Variants in MYBL1 observed in about 807,000 individuals in gnomAD.
MYBL1 encodes the protein myb-related protein A.
In MYBL1, 17 loss-of-function variants were observed where a neutral mutation model predicts 96.3. The ratio of observed to expected loss-of-function variants is 0.18; its 90% CI spans 0.12 to 0.26. MYBL1 has a LOEUF of 0.26. Among genes scored for constraint, MYBL1 ranks in the 10% least tolerant of loss-of-function variants. The pLI, the probability that MYBL1 is intolerant of heterozygous loss-of-function variation, is 1.00. For synonymous variants in MYBL1, 282 were observed against 292.7 expected (o/e 0.96, Z 0.37); for missense variants, 701 against 882.9 (o/e 0.79, Z 2.61).
chr8:66,601,598 C>T, intron 3 of MYBL1, 100 bp downstream of exon 3: 3 of 655,202 alleles, frequency 4.6e-6, no homozygotes, highest in Non-Finnish European at 7.7e-6. Context: ...AGGAAGGAAA[C>T]CTAAAATTAA....
At chr8:66,606,792 T>TC (rs1810330176) in intron 1 of MYBL1, among the ~76,000 whole-genome samples, 1 of 152,016 alleles carries the variant, frequency 6.6e-6, no homozygotes, top group African/African-American at 2.4e-5. Flanking sequence ...CATGGCTGTT[T>TC]TTTTTTTTTC....
In MYBL1 at chr8:66,580,035, C is replaced by T. The variant is rs1809135461; in HGVS notation, c.1101+98G>A. On this transcript the variant is annotated intron_variant, in intron 9 of 15. Coordinates refer to ENST00000522677, the MANE Select transcript of MYBL1 (RefSeq NM_001080416.4). ...TCAGAACAAAATTAAGCATGGCATACAAAACATAAAACTGGTCAATGTCCA... is the reference window on the plus strand; with the variant it reads ...TCAGAACAAAATTAAGCATGGCATATAAAACATAAAACTGGTCAATGTCCA... 13 of 888,726 alleles carry T rather than the reference C, an allele frequency of 1.5e-5. No individual in the cohort carries two copies. In the South Asian group the frequency reaches 2.4e-4, roughly 17 times the overall value. The allele number at this position is 888,726 out of a possible 1,614,324, so 55.1% of individuals were successfully genotyped here.
In MYBL1 at chr8:66,573,450, T is replaced by G. The variant is rs577025191; in HGVS notation, c.1527A>C (p.Thr509=). The G allele has an allele frequency of 6.2e-7, 1 of 1,612,084 alleles. No homozygotes were observed. Among genetic ancestry groups the G allele is most frequent in the African/African-American group, 1.3e-5 (1 of 74,870 alleles). ...CTTTCTGCCCACAAATAGGGGTTGA[T>G]GTAAATGAAGGATTTTCTATATTAA... is the stretch of plus-strand genomic sequence containing the variant. ...EQLNIENPSF[T]STPICGQKAL... Residue 509 remains threonine (T), a synonymous_variant, in exon 11 of 16, where the codon ACA becomes ACC. Transcript: ENST00000522677.
chr8:66,584,357 G>A (rs1809331353), intron 8 of MYBL1, among the ~76,000 whole-genome samples: 1 of 152,108 alleles, frequency 6.6e-6, no homozygotes, highest in Non-Finnish European at 1.5e-5. Context: ...ACACAGTACT[G>A]GAAGTCCTAG....
intron 15 of MYBL1, among the ~76,000 whole-genome samples, chr8:66,565,666 C>G (rs1312698327): frequency 6.6e-6 from 1 of 151,982 alleles, no homozygotes; most frequent in Non-Finnish European, 1.5e-5. Flanking sequence ...ACTTCTGAGC[C>G]AAAAAGTTCA....
intron 8 of MYBL1, among the ~76,000 whole-genome samples, chr8:66,585,901 G>GCAAAGGAGGC (rs906869483): frequency 1.3e-5 from 2 of 152,012 alleles, no homozygotes; most frequent in African/African-American, 4.8e-5. Flanking sequence ...GCAATCAACA[G>GCAAAGGAGGC]AATGAAGAGA....
chr8:66,569,732 G>C (rs760046524), intron 12 of MYBL1, among the ~76,000 whole-genome samples: 6 of 152,110 alleles, frequency 3.9e-5, no homozygotes, highest in Admixed American at 3.9e-4. Context: ...TCCTAGAATA[G>C]GGCTAAGACA....
intron 8 of MYBL1, among the ~76,000 whole-genome samples, chr8:66,584,610 G>A (rs1159756895): frequency 6.6e-6 from 1 of 152,138 alleles, no homozygotes; most frequent in Non-Finnish European, 1.5e-5. Flanking sequence ...TGTAATATCA[G>A]CACTTTGGGA....
intron 3 of MYBL1, among the ~76,000 whole-genome samples, chr8:66,600,107 C>A (rs561626928): frequency 3.3e-5 from 5 of 152,150 alleles, no homozygotes; most frequent in Non-Finnish European, 7.4e-5. Flanking sequence ...AGAAATCCTA[C>A]GCAGTATCTG....
Position 66,591,205 on chromosome 8 carries a change from G to C in MYBL1, c.867+1235C>G, listed in dbSNP as rs952722122. On this transcript the variant is annotated intron_variant, in intron 8 of 15. Transcript: ENST00000522677. ...CTACTAAAAATATAAAAAATTAGCTGGGAGTGGTGGCAGGCGCCTGCAGTC... is the reference window on the plus strand; with the variant it reads ...CTACTAAAAATATAAAAAATTAGCTCGGAGTGGTGGCAGGCGCCTGCAGTC... 1.9e-4 allele frequency among the ~76,000 whole-genome samples: 29 copies of C among 152,136 alleles called. 1 individual carries two copies. The highest frequency in any genetic ancestry group is 2.1e-4 in the South Asian group (1 of 4,820).
chr8:66,590,601 C>T (rs370373409), intron 8 of MYBL1, among the ~76,000 whole-genome samples: 1 of 65,260 alleles, frequency 1.5e-5, no homozygotes, highest in Admixed American at 1.7e-4. Context: ...CTTAGCTAAT[C>T]AAAAAAAAAA....
At chr8:66,573,781 C>A (rs1274025153) in intron 10 of MYBL1, among the ~76,000 whole-genome samples, 3 of 151,856 alleles carry the variant, frequency 2.0e-5, no homozygotes, top group Admixed American at 6.6e-5. Flanking sequence ...AAAAAAAATA[C>A]TAAAAATTTA....
chr8:66,567,362 T>C (rs984012831), intron 12 of MYBL1, among the ~76,000 whole-genome samples: 14 of 152,204 alleles, frequency 9.2e-5, no homozygotes, highest in Non-Finnish European at 1.9e-4. Context: ...CTAGCTCTTA[T>C]TCTACTTTTA....
Position 66,576,382 on chromosome 8 carries a change from T to A in MYBL1, c.1102-7A>T, listed in dbSNP as rs550292075. On this transcript the variant is annotated splice_region_variant and splice_polypyrimidine_tract_variant and intron_variant, in intron 9 of 15. Coordinates refer to ENST00000522677, the MANE Select transcript of MYBL1 (RefSeq NM_001080416.4). ...CACTCCATGCTACAGGATCCTGCAA[T>A]AAATTAAACTGTTAATAAAGTTAAT... 1 of 1,588,778 alleles carries A rather than the reference T, an allele frequency of 6.3e-7. No individual in the cohort carries two copies. Among genetic ancestry groups the A allele is most frequent in the African/African-American group, 1.4e-5 (1 of 73,520 alleles).
intron 14 of MYBL1, 74 bp from the exon 15 acceptor site, chr8:66,566,317 G>A: frequency 1.2e-6 from 1 of 826,042 alleles, no homozygotes; most frequent in Non-Finnish European, 1.8e-6. Context: ...CTGAGTAAGT[G>A]GTAATGGAAG....
At chr8:66,571,438 CTT>C (rs1353549516) in intron 12 of MYBL1, among the ~76,000 whole-genome samples, 1 of 152,088 alleles carries the variant, frequency 6.6e-6, no homozygotes. Context: ...GAAACTGAGC[CTT>C]TTCCTAATTA....
intron 8 of MYBL1, among the ~76,000 whole-genome samples, chr8:66,587,090 A>G (rs28707159): frequency 0.011 from 1,658 of 152,262 alleles, 27 homozygotes; most frequent in African/African-American, 0.038. Context: ...AGGTTGGTTA[A>G]TGGATATATA....
At chr8:66,595,196 T>G (rs1809801820) in intron 6 of MYBL1, among the ~76,000 whole-genome samples, 1 of 152,208 alleles carries the variant, frequency 6.6e-6, no homozygotes, top group South Asian at 2.1e-4. Flanking sequence ...AATTACTTAT[T>G]TTTGCTACTT....
At chr8:66,585,668 G>A (rs188111238) in intron 8 of MYBL1, among the ~76,000 whole-genome samples, 76 of 152,234 alleles carry the variant, frequency 5.0e-4, no homozygotes, top group African/African-American at 1.7e-3. Context: ...TCCAAAAGGC[G>A]GAGGTTGCAG....
Sources: gnomAD v4.1 joint callset for allele counts (sites outside exome capture counted in the v4.1 genomes callset) on GRCh38, gnomAD v4.1.1 for gene constraint, MANE v1.5 for transcripts, NCBI Gene and HGNC (gene_info 2026-07-23, HGNC 2026-07-21) for gene names.